The following EFCAB13 variants were observed in gnomAD, a reference collection of about 807,000 sequenced individuals.
EFCAB13 encodes EF-hand calcium-binding domain-containing protein 13.
A neutral mutation model predicts 110.2 loss-of-function variants in EFCAB13; 91 were observed. The observed-to-expected ratio is 0.83, with a 90% confidence interval of 0.70 to 0.98. The LOEUF is 0.98. Ranked by LOEUF, EFCAB13 falls within the 50% of genes least tolerant of loss-of-function variation. The pLI is 0.00. For synonymous variants in EFCAB13, 323 were observed against 369.9 expected, an observed-to-expected ratio of 0.87 and a Z score of 1.45; for missense variants, 968 against 1,119.4, an observed-to-expected ratio of 0.86 and a Z score of 1.93.
In EFCAB13 at chr17:47,431,767, TAGATC is replaced by T; in HGVS notation, c.2638+1811_2638+1815del. On this transcript the variant is annotated intron_variant, in intron 24 of 24. Transcript: ENST00000331493. This position sits in a 1 kb window ranked among gnomAD's most constrained non-coding sequence, Gnocchi z 4.1. ...GGTTGGGTGAGAGTGTTCTATATAT[TAGATC>T]AGATTTATTGTCAAATTCAAATTTT... 6.6e-6 allele frequency among the ~76,000 whole-genome samples: 1 copy of T among 152,318 alleles called. No homozygotes were observed. Among genetic ancestry groups the T allele is most frequent in the Middle Eastern group, 3.4e-3 (1 of 292 alleles).
In EFCAB13 at chr17:47,354,188, G is replaced by A. The variant is rs543959117; in HGVS notation, c.661+6237G>A. ...AATTTCCCTGTATTTGCATAGTTTT[G>A]AGGGTTCCTTTTGGAGTTGATTTCC... On this transcript the variant is annotated intron_variant, in intron 9 of 24. Coordinates refer to ENST00000331493, the MANE Select transcript of EFCAB13 (RefSeq NM_152347.5). 2.0e-5 allele frequency among the ~76,000 whole-genome samples: 3 copies of A among 152,222 alleles called. No homozygotes were observed. In the East Asian group the frequency reaches 5.8e-4, roughly 29 times the overall value.
At chr17:47,364,237 C>A (rs1018199965) in intron 10 of EFCAB13, among the ~76,000 whole-genome samples, 1 of 152,110 alleles carries the variant, frequency 6.6e-6, no homozygotes, top group Non-Finnish European at 1.5e-5. Flanking sequence ...TGCAATAGTT[C>A]CCTTATTTAA....
chr17:47,362,636 A>C (rs2065521940), intron 10 of EFCAB13, among the ~76,000 whole-genome samples: 1 of 152,214 alleles, frequency 6.6e-6, no homozygotes, highest in South Asian at 2.1e-4. Context: ...GTTGTGCTTC[A>C]GTGGTCACAC....
chr17:47,388,686 G>C (rs1464887590), intron 14 of EFCAB13, among the ~76,000 whole-genome samples: 2 of 152,046 alleles, frequency 1.3e-5, no homozygotes, highest in African/African-American at 2.4e-5. Context: ...TTTCCAGTTT[G>C]GGGCTGTTAT....
chr17:47,420,925 G>C (rs1293799363), intron 23 of EFCAB13, among the ~76,000 whole-genome samples: 1 of 149,046 alleles, frequency 6.7e-6, no homozygotes. Context: ...CCTCTGCCCA[G>C]CCGCCCCTAC....
chr17:47,360,769 T>G (rs987071857), intron 9 of EFCAB13, among the ~76,000 whole-genome samples: 8 of 152,200 alleles, frequency 5.3e-5, no homozygotes, highest in African/African-American at 1.9e-4. Context: ...GTCTAACGTT[T>G]AAGTCTTTAA....
chr17:47,423,899 G>A (rs939589770), intron 23 of EFCAB13, among the ~76,000 whole-genome samples: 1 of 151,954 alleles, frequency 6.6e-6, no homozygotes, highest in Non-Finnish European at 1.5e-5. Context: ...GCTCCGGGAC[G>A]AGCTGCTGTT....
chr17:47,342,053 T>C, intron 6 of EFCAB13, 21 bp downstream of exon 6: 1 of 1,418,810 alleles, frequency 7.0e-7, no homozygotes, highest in Non-Finnish European at 9.7e-7. Context: ...ATTTGGAAAT[T>C]TTTCTTTTAC....
At chr17:47,356,587 C>G (rs1337562509) in intron 9 of EFCAB13, among the ~76,000 whole-genome samples, 3 of 152,200 alleles carry the variant, frequency 2.0e-5, no homozygotes. Context: ...CTTCAGGTCT[C>G]TCAGCCGTGA....
At chr17:47,383,493 T>C (rs1305408669) in intron 14 of EFCAB13, among the ~76,000 whole-genome samples, 3 of 152,224 alleles carry the variant, frequency 2.0e-5, no homozygotes, top group African/African-American at 7.2e-5. Context: ...TTGTTCTCAT[T>C]GGTTTCAAGT....
At chr17:47,416,381 AT>A (rs1302244888) in intron 23 of EFCAB13, among the ~76,000 whole-genome samples, 1 of 151,944 alleles carries the variant, frequency 6.6e-6, no homozygotes, top group Non-Finnish European at 1.5e-5. Flanking sequence ...ATCATATTGT[AT>A]TTTTTTGTGT....
chr17:47,348,777 A>G (rs2065432258), intron 9 of EFCAB13, among the ~76,000 whole-genome samples: 1 of 151,950 alleles, frequency 6.6e-6, no homozygotes, highest in Non-Finnish European at 1.5e-5. Flanking sequence ...TTCTTATTGT[A>G]TTTTGAGATT....
At chr17:47,407,064 TA>T (rs112484417) in intron 20 of EFCAB13, among the ~76,000 whole-genome samples, 3,450 of 152,260 alleles carry the variant, frequency 0.023, 113 homozygotes, top group East Asian at 0.18. Context: ...GATGATTCTC[TA>T]AAATGGGTGA....
chr17:47,370,913 G>C (rs1463910664), intron 11 of EFCAB13, among the ~76,000 whole-genome samples: 1 of 151,300 alleles, frequency 6.6e-6, no homozygotes, highest in East Asian at 1.9e-4. Flanking sequence ...AGCTAGTTTT[G>C]TATTTTTAGT....
chr17:47,353,506 G>A (rs1015741039), intron 9 of EFCAB13, among the ~76,000 whole-genome samples: 2 of 152,022 alleles, frequency 1.3e-5, no homozygotes, highest in African/African-American at 4.8e-5. Context: ...ATGTTGGCCA[G>A]GCTGATGTCG....
chr17:47,346,946 T>G (rs1388556165), intron 8 of EFCAB13, among the ~76,000 whole-genome samples: 2 of 152,176 alleles, frequency 1.3e-5, no homozygotes, highest in Non-Finnish European at 2.9e-5. Flanking sequence ...TATCAACTCT[T>G]TAGTCATTAT....
At chr17:47,426,393 A>G (rs975057558) in intron 23 of EFCAB13, among the ~76,000 whole-genome samples, 9 of 152,228 alleles carry the variant, frequency 5.9e-5, no homozygotes, top group African/African-American at 2.2e-4. Flanking sequence ...TGTATACAAA[A>G]TTCATAGTTA....
At chr17:47,351,308 C>CGTGT (rs1277743561) in intron 9 of EFCAB13, among the ~76,000 whole-genome samples, 75 of 133,800 alleles carry the variant, frequency 5.6e-4, no homozygotes, top group African/African-American at 2.0e-3. Context: ...TGTGTGTGCG[C>CGTGT]GCGCGCGCGC....
At chr17:47,369,129 A>G (rs2065566751) in intron 10 of EFCAB13, among the ~76,000 whole-genome samples, 1 of 152,198 alleles carries the variant, frequency 6.6e-6, no homozygotes, top group South Asian at 2.1e-4. Context: ...ACCAAGTTCT[A>G]CCACAACAGG....
Sources: allele counts gnomAD v4.1 joint callset (sites outside exome capture counted in the v4.1 genomes callset), GRCh38; gene constraint gnomAD v4.1.1; non-coding constraint Gnocchi (gnomAD v3.1); transcripts MANE v1.5; gene names NCBI Gene and HGNC (gene_info 2026-07-23, HGNC 2026-07-21).